The following GLIS3 variants were observed in gnomAD, a reference collection of about 807,000 sequenced individuals.
The protein encoded by GLIS3 is GLIS family zinc finger 3.
Under a neutral mutation model 78.6 loss-of-function variants are expected in GLIS3, and 53 were observed. The ratio of observed to expected loss-of-function variants is 0.67; its 90% CI spans 0.54 to 0.85. GLIS3 has a LOEUF of 0.85. GLIS3 is among the 40% of genes least tolerant of loss of function. GLIS3 has a pLI of 0.00. For missense variants in GLIS3, 1,703 were observed against 1,231.1 expected, an observed-to-expected ratio of 1.38 and a Z score of -5.74; for synonymous variants, 684 against 509.9, an observed-to-expected ratio of 1.34 and a Z score of -4.60.
intron 4 of GLIS3, among the ~76,000 whole-genome samples, chr9:4,027,284 G>A (rs1394363783): frequency 2.0e-5 from 3 of 152,178 alleles, no homozygotes; most frequent in African/African-American, 7.2e-5. Flanking sequence ...ATCCAACCAG[G>A]TCTTTAAGGC....
At chr9:4,257,644 G>A (rs1352119104) in intron 2 of GLIS3, among the ~76,000 whole-genome samples, 1 of 151,728 alleles carries the variant, frequency 6.6e-6, no homozygotes, top group African/African-American at 2.4e-5. Flanking sequence ...CACAATCTCG[G>A]CTCACTGCAA....
intron 3 of GLIS3, among the ~76,000 whole-genome samples, 192 bp from the exon 4 acceptor site, chr9:4,119,073 C>A (rs1023591209): frequency 2.0e-5 from 3 of 152,012 alleles, no homozygotes; most frequent in African/African-American, 7.2e-5. Flanking sequence ...TAACATTTTA[C>A]CAAGAAGAAC....
At chr9:4,304,146 A>G (rs1050505515), upstream of GLIS3, among the ~76,000 whole-genome samples, 8 of 152,144 alleles carry the variant, frequency 5.3e-5, no homozygotes, top group Non-Finnish European at 1.2e-4. Context: ...AAATGACACA[A>G]CTCATTGTTA....
At chr9:4,059,556 C>A (rs894834953) in intron 4 of GLIS3, among the ~76,000 whole-genome samples, 1 of 152,170 alleles carries the variant, frequency 6.6e-6, no homozygotes, top group Non-Finnish European at 1.5e-5. Context: ...TGGCCTTCTG[C>A]CTACCATCCT....
intron 3 of GLIS3, among the ~76,000 whole-genome samples, chr9:4,119,830 T>G (rs1312206663): frequency 6.6e-6 from 1 of 152,252 alleles, no homozygotes; most frequent in Non-Finnish European, 1.5e-5. Flanking sequence ...AAAATTCATT[T>G]TGCTTTACTG....
chr9:4,054,178 C>G (rs1760249826), intron 4 of GLIS3: 1 of 239,966 alleles, frequency 4.2e-6, no homozygotes, highest in African/African-American at 2.3e-5. Flanking sequence ...ACAGGACTCT[C>G]TGGTGGCACA....
intron 6 of GLIS3, 94 bp downstream of exon 6, chr9:3,932,266 T>C: frequency 4.4e-6 from 4 of 909,722 alleles, no homozygotes; most frequent in East Asian, 2.5e-5. Context: ...CCATGAGAAG[T>C]ATAAGAATTT....
At position 3,856,605 on chromosome 9, in the gene GLIS3, G is replaced by C. The variant is rs559972283; in HGVS notation, c.2298-421C>G. Among the ~76,000 whole-genome samples the C allele has an allele frequency of 3.3e-5, 5 of 152,244 alleles. No individual in the cohort carries two copies. In the South Asian group the frequency reaches 8.3e-4, roughly 25 times the overall value. ...TTTACACTTAGCTCACAAACATTTTGTTTGTTTTGTAAGATATATCTGAGG... is the reference window on the plus strand; with the variant it reads ...TTTACACTTAGCTCACAAACATTTTCTTTGTTTTGTAAGATATATCTGAGG... On this transcript the variant is annotated intron_variant, in intron 8 of 10. Coordinates refer to ENST00000381971, the MANE Select transcript of GLIS3 (RefSeq NM_001042413.2).
intron 8 of GLIS3, among the ~76,000 whole-genome samples, chr9:3,860,615 G>A (rs540990047): frequency 1.2e-3 from 190 of 152,304 alleles, no homozygotes; most frequent in Non-Finnish European, 2.4e-3. Flanking sequence ...AGGAGAAGCA[G>A]ATGGGCAAAG....
chr9:4,175,163 C>A lies in GLIS3; in HGVS notation c.389-49222G>T, dbSNP rs964249586. Among the ~76,000 whole-genome samples, 4 of 152,214 alleles carry A rather than the reference C, an allele frequency of 2.6e-5. No individual in the cohort carries two copies. The East Asian group carries it at 7.7e-4, about 29-fold the overall frequency. On this transcript the variant is annotated intron_variant, in intron 2 of 10. Coordinates refer to ENST00000381971, the MANE Select transcript of GLIS3 (RefSeq NM_001042413.2). Reference sequence around the variant, plus strand: ...TACATCCAAAATTCTCCCTTGCTAACTGGACCTGAGAATTCCTCCATTAGA... The same window carrying A: ...TACATCCAAAATTCTCCCTTGCTAAATGGACCTGAGAATTCCTCCATTAGA...
At chr9:4,103,008 GGACAT>G (rs1287443278) in intron 4 of GLIS3, among the ~76,000 whole-genome samples, 1 of 152,016 alleles carries the variant, frequency 6.6e-6, no homozygotes, top group East Asian at 1.9e-4. Context: ...CTCTGTGTTT[GGACAT>G]GACATAACAC....
chr9:3,996,652 A>G (rs1820762822), intron 4 of GLIS3, among the ~76,000 whole-genome samples: 1 of 152,190 alleles, frequency 6.6e-6, no homozygotes, highest in Non-Finnish European at 1.5e-5. Flanking sequence ...AACTAACCTG[A>G]AATAGTAGAA....
intron 2 of GLIS3, among the ~76,000 whole-genome samples, chr9:4,326,452 A>G (rs922564427): frequency 6.6e-6 from 1 of 152,220 alleles, no homozygotes; most frequent in African/African-American, 2.4e-5. Context: ...AATAGTCACA[A>G]AAAAATACTG....
At chr9:4,098,562 C>T (rs189096483) in intron 4 of GLIS3, among the ~76,000 whole-genome samples, 95 of 152,292 alleles carry the variant, frequency 6.2e-4, no homozygotes, top group Non-Finnish European at 9.7e-4. Flanking sequence ...GAACTAAGGC[C>T]TCTGCAGCAT....
chr9:4,057,697 G>A (rs1206143731), intron 4 of GLIS3, among the ~76,000 whole-genome samples: 2 of 128,228 alleles, frequency 1.6e-5, no homozygotes, highest in African/African-American at 4.9e-5. Flanking sequence ...GAGAACAGAA[G>A]AATGCAGCTA....
chr9:4,293,180 G>A (rs892262668), intron 1 of GLIS3, among the ~76,000 whole-genome samples: 1 of 152,160 alleles, frequency 6.6e-6, no homozygotes, highest in African/African-American at 2.4e-5. Context: ...TAGTCCATAT[G>A]ACTAAGTATT....
intron 9 of GLIS3, among the ~76,000 whole-genome samples, chr9:3,835,663 G>A (rs989974623): frequency 5.9e-5 from 9 of 152,190 alleles, no homozygotes; most frequent in Admixed American, 2.6e-4. Context: ...GTATCTACTT[G>A]TAATCACAAA....
At chr9:4,408,916 C>T in the GLIS3 span, among the ~76,000 whole-genome samples, 11 of 152,022 alleles carry the variant, frequency 7.2e-5, no homozygotes, top group East Asian at 1.9e-3. Flanking sequence ...GGGATTACTA[C>T]ACACTGCATA....
chr9:4,008,289 C>T (rs1821719613), intron 4 of GLIS3, among the ~76,000 whole-genome samples: 1 of 152,104 alleles, frequency 6.6e-6, no homozygotes. Flanking sequence ...GGCCCTGAAC[C>T]GCTTGGCCAT....
Sources: gnomAD v4.1 joint callset for allele counts (sites outside exome capture counted in the v4.1 genomes callset) on GRCh38, gnomAD v4.1.1 for gene constraint, MANE v1.5 for transcripts, NCBI Gene and HGNC (gene_info 2026-07-23, HGNC 2026-07-21) for gene names.